The following FBXL17 variants were observed in gnomAD, a reference collection of about 807,000 sequenced individuals.
The protein encoded by FBXL17 is F-box/LRR-repeat protein 17.
A neutral mutation model predicts 66.2 loss-of-function variants in FBXL17; 22 were observed. That is an observed-to-expected ratio of 0.33 (90% CI 0.24 to 0.47). The LOEUF is 0.47. FBXL17 is among the 20% of genes least tolerant of loss of function. The pLI, the probability that FBXL17 is intolerant of heterozygous loss-of-function variation, is 1.00. For missense variants in FBXL17, 878 were observed against 948.2 expected, an observed-to-expected ratio of 0.93 and a Z score of 0.97; for synonymous variants, 474 against 400.5, an observed-to-expected ratio of 1.18 and a Z score of -2.19.
intron 6 of FBXL17, among the ~76,000 whole-genome samples, chr5:108,131,899 T>C (rs894279007): frequency 3.9e-5 from 6 of 152,142 alleles, no homozygotes; most frequent in African/African-American, 1.4e-4. Context: ...TGTACAATCA[T>C]ATTCAATTTA....
intron 7 of FBXL17, among the ~76,000 whole-genome samples, chr5:107,936,601 G>A (rs1750915968): frequency 6.6e-6 from 1 of 151,826 alleles, no homozygotes; most frequent in Non-Finnish European, 1.5e-5. Flanking sequence ...AATGACTGAT[G>A]TGTTACACAA....
intron 7 of FBXL17, among the ~76,000 whole-genome samples, chr5:107,893,571 T>C (rs1169056255): frequency 6.6e-6 from 1 of 152,190 alleles, no homozygotes; most frequent in Non-Finnish European, 1.5e-5. Flanking sequence ...CACTACAAAA[T>C]CTTGAATCTG....
At chr5:107,992,374 G>C (rs6896080) in intron 7 of FBXL17, among the ~76,000 whole-genome samples, 96,469 of 151,882 alleles carry the variant, frequency 0.64, 31,512 homozygotes, top group African/African-American at 0.81. Flanking sequence ...ATTTGGTGTA[G>C]CAGAAGAAAA....
intron 7 of FBXL17, among the ~76,000 whole-genome samples, chr5:107,931,676 T>C (rs562238927): frequency 6.6e-6 from 1 of 152,186 alleles, no homozygotes; most frequent in Non-Finnish European, 1.5e-5. Flanking sequence ...ACAGAGTCTC[T>C]AGAATATGTT....
chr5:108,321,760 G>A (rs1342689604), intron 4 of FBXL17, among the ~76,000 whole-genome samples: 1 of 150,260 alleles, frequency 6.7e-6, no homozygotes, highest in African/African-American at 2.4e-5. Context: ...ATGCTATGTA[G>A]GCAAAGCCTA....
chr5:108,165,483 G>A (rs1752382507), intron 6 of FBXL17, among the ~76,000 whole-genome samples: 1 of 152,150 alleles, frequency 6.6e-6, no homozygotes, highest in Admixed American at 6.6e-5. Flanking sequence ...AGAGACTACA[G>A]TCAATTCTAG....
At chr5:108,375,703 A>G (rs1434753968) in intron 1 of FBXL17, among the ~76,000 whole-genome samples, 1 of 152,244 alleles carries the variant, frequency 6.6e-6, no homozygotes, top group Non-Finnish European at 1.5e-5. Context: ...TGCTTCAATA[A>G]GAATGAACAC....
At chr5:108,329,249 C>G (rs1441347550) in intron 4 of FBXL17, among the ~76,000 whole-genome samples, 1 of 152,012 alleles carries the variant, frequency 6.6e-6, no homozygotes, top group African/African-American at 2.4e-5. Flanking sequence ...AAAAGTTATT[C>G]TATAATAAAG....
At chr5:108,118,319 T>C (rs1180531530) in intron 6 of FBXL17, among the ~76,000 whole-genome samples, 6 of 152,190 alleles carry the variant, frequency 3.9e-5, no homozygotes, top group Non-Finnish European at 8.8e-5. Flanking sequence ...TTCAACATGT[T>C]CAAAACTGAG....
intron 6 of FBXL17, among the ~76,000 whole-genome samples, chr5:108,157,723 T>TA (rs535503786): frequency 1.3e-5 from 2 of 151,654 alleles, no homozygotes; most frequent in South Asian, 2.1e-4. Context: ...AAGAAAATAT[T>TA]AAAAAAAACT....
chr5:108,219,001 G>A (rs1447381617), intron 5 of FBXL17, among the ~76,000 whole-genome samples: 2 of 152,036 alleles, frequency 1.3e-5, no homozygotes, highest in African/African-American at 4.8e-5. Flanking sequence ...ACTCTAATTA[G>A]GTCATGACAT....
intron 7 of FBXL17, among the ~76,000 whole-genome samples, chr5:107,989,298 C>T (rs1382463600): frequency 6.6e-6 from 1 of 152,028 alleles, no homozygotes; most frequent in Non-Finnish European, 1.5e-5. Flanking sequence ...TCCCTACCCC[C>T]TTCCCAGTCT....
chr5:107,946,260 T>C (rs1234784639), intron 7 of FBXL17, among the ~76,000 whole-genome samples: 2 of 20,980 alleles, frequency 9.5e-5, no homozygotes, highest in African/African-American at 2.4e-4. Context: ...TCATTTTATA[T>C]ATATATATAT....
At chr5:108,012,807 A>G (rs778140198) in intron 7 of FBXL17, among the ~76,000 whole-genome samples, 17 of 152,004 alleles carry the variant, frequency 1.1e-4, no homozygotes, top group Non-Finnish European at 1.9e-4. Flanking sequence ...CCTGATGTTG[A>G]GAGTTCAAGA....
intron 4 of FBXL17, among the ~76,000 whole-genome samples, chr5:108,309,113 G>A (rs1189940198): frequency 3.9e-5 from 6 of 151,958 alleles, no homozygotes. Context: ...TAATTAATTG[G>A]TCATATAGAC....
intron 7 of FBXL17, among the ~76,000 whole-genome samples, chr5:107,885,515 C>T (rs1209972495): frequency 6.6e-6 from 1 of 152,108 alleles, no homozygotes. Flanking sequence ...GCCTAAATAT[C>T]CATACATAGG....
chr5:108,269,390 T>C (rs1382795737), intron 4 of FBXL17, among the ~76,000 whole-genome samples: 3 of 152,034 alleles, frequency 2.0e-5, no homozygotes, highest in Non-Finnish European at 4.4e-5. Flanking sequence ...ACAGCAACAG[T>C]ACTGACACCA....
intron 4 of FBXL17, among the ~76,000 whole-genome samples, chr5:108,272,686 C>A (rs1431273696): frequency 6.6e-6 from 1 of 152,084 alleles, no homozygotes; most frequent in Non-Finnish European, 1.5e-5. Flanking sequence ...AATGATCCCG[C>A]ATTTTCCCAA....
chr5:107,881,480 A>G (rs1289941103), intron 7 of FBXL17, among the ~76,000 whole-genome samples: 1 of 152,202 alleles, frequency 6.6e-6, no homozygotes, highest in Non-Finnish European at 1.5e-5. Flanking sequence ...GGAATAAATT[A>G]AAATGTATTA....
Sources: gnomAD v4.1 joint callset for allele counts (sites outside exome capture counted in the v4.1 genomes callset) on GRCh38, gnomAD v4.1.1 for gene constraint, MANE v1.5 for transcripts, NCBI Gene and HGNC (gene_info 2026-07-23, HGNC 2026-07-21) for gene names.